The following ASCC3 variants were observed in gnomAD, a reference collection of about 807,000 sequenced individuals.
ASCC3 encodes ASC-1 complex subunit P200.
A neutral mutation model predicts 256.3 loss-of-function variants in ASCC3; 158 were observed. The ratio of observed to expected loss-of-function variants is 0.62; its 90% CI spans 0.54 to 0.70. The LOEUF (loss-of-function observed/expected upper bound fraction) is 0.70. Among genes scored for constraint, ASCC3 ranks in the 30% least tolerant of loss-of-function variants. The pLI is 0.00. For missense variants in ASCC3, 2,259 were observed against 2,626.0 expected (o/e 0.86, Z 3.05); for synonymous variants, 948 against 883.4 (o/e 1.07, Z -1.30).
At chr6:100,560,115 AC>A (rs1236172134) in intron 36 of ASCC3, among the ~76,000 whole-genome samples, 3 of 152,166 alleles carry the variant, frequency 2.0e-5, no homozygotes, top group African/African-American at 7.2e-5. Flanking sequence ...AAGTGGATAT[AC>A]TTTGGACATC....
At chr6:100,848,829 C>A (rs1582957842) in intron 3 of ASCC3, 122 bp from the exon 4 acceptor site, 2 of 959,266 alleles carry the variant, frequency 2.1e-6, no homozygotes, top group East Asian at 2.6e-5. Context: ...TAGCAATAGA[C>A]CAGGTGTAAT....
At chr6:100,720,526 T>C (rs1779279037) in intron 11 of ASCC3, among the ~76,000 whole-genome samples, 1 of 151,880 alleles carries the variant, frequency 6.6e-6, no homozygotes, top group Non-Finnish European at 1.5e-5. Context: ...TTAGATTAGT[T>C]TCGTTTTTGA....
intron 14 of ASCC3, among the ~76,000 whole-genome samples, chr6:100,671,385 C>A (rs981085769): frequency 6.6e-6 from 1 of 152,056 alleles, no homozygotes; most frequent in African/African-American, 2.4e-5. Context: ...TATACTTTAT[C>A]TTGTTCACAT....
intron 10 of ASCC3, among the ~76,000 whole-genome samples, chr6:100,726,207 C>CT: frequency 6.6e-6 from 1 of 151,934 alleles, no homozygotes; most frequent in Middle Eastern, 3.4e-3. Context: ...ACTAACAATG[C>CT]TTTTCATTGA....
rs1773614043 is a variant in ASCC3, at chr6:100,508,683, T to G, written c.*703A>C. ...GGGAAAGAAAAGAAGAACAGATGAG[T>G]AAGGGGATATTATTTAAAGGAAGCA... is the stretch of plus-strand genomic sequence containing the variant. On this transcript the variant is annotated 3_prime_UTR_variant, in exon 42 of 42. Coordinates refer to ENST00000369162, the MANE Select transcript of ASCC3 (RefSeq NM_006828.4). 1 of 151,874 alleles carries G rather than the reference T, an allele frequency of 6.6e-6. No homozygotes were observed. The highest frequency in any genetic ancestry group is 2.1e-4 in the South Asian group (1 of 4,822). 9.4% of individuals were successfully genotyped at this position (151,874 alleles called of 1,614,324 possible).
chr6:100,631,285 C>T, intron 25 of ASCC3, 72 bp from the exon 26 acceptor site: 1 of 1,260,308 alleles, frequency 7.9e-7, no homozygotes, highest in Non-Finnish European at 1.1e-6. Flanking sequence ...AAGTAAACTC[C>T]AAAAAATTTG....
At chr6:100,732,490 T>C (rs960740934) in intron 10 of ASCC3, among the ~76,000 whole-genome samples, 1 of 152,206 alleles carries the variant, frequency 6.6e-6, no homozygotes, top group Admixed American at 6.5e-5. Flanking sequence ...GTTTTCATAG[T>C]TCCTTATTGT....
chr6:100,799,933 T>C (rs1769828689), intron 6 of ASCC3, among the ~76,000 whole-genome samples: 1 of 149,736 alleles, frequency 6.7e-6, no homozygotes, highest in Non-Finnish European at 1.5e-5. Context: ...TTTTCTCCTT[T>C]CTACTTCTAA....
chr6:100,734,101 C>G (rs1316301155), intron 10 of ASCC3, among the ~76,000 whole-genome samples: 2 of 151,992 alleles, frequency 1.3e-5, no homozygotes, highest in African/African-American at 4.8e-5. Context: ...TTATTTGGGC[C>G]TAGGAGTGGT....
chr6:100,676,741 C>T (rs550830415), intron 14 of ASCC3, among the ~76,000 whole-genome samples: 108 of 131,958 alleles, frequency 8.2e-4, no homozygotes, highest in Admixed American at 1.7e-3. Flanking sequence ...TGTGTGCGCG[C>T]GCGTGCGCGC....
intron 36 of ASCC3, among the ~76,000 whole-genome samples, chr6:100,571,633 G>A (rs889850893): frequency 3.9e-5 from 6 of 152,176 alleles, no homozygotes; most frequent in Admixed American, 3.9e-4. Flanking sequence ...ATAAACTAAT[G>A]CAATCATTCC....
At chr6:100,528,160 C>T (rs1424921117) in intron 37 of ASCC3, among the ~76,000 whole-genome samples, 1 of 151,994 alleles carries the variant, frequency 6.6e-6, no homozygotes, top group Non-Finnish European at 1.5e-5. Flanking sequence ...AGGTTATCTG[C>T]TAATATACTT....
chr6:100,569,676 G>A lies in ASCC3; in HGVS notation c.5550+19958C>T, dbSNP rs534975291. On this transcript the variant is annotated intron_variant, in intron 36 of 41. Coordinates refer to ENST00000369162, the MANE Select transcript of ASCC3 (RefSeq NM_006828.4). ...TGGGATTACAGGCGTGGCGCGGTCG[G>A]TTACTGTAACCTTTTAATATAGTTT... Among the ~76,000 whole-genome samples the A allele has an allele frequency of 9.2e-5, 14 of 152,282 alleles. No homozygotes were observed. In the South Asian group the frequency reaches 2.7e-3, roughly 29 times the overall value.
intron 4 of ASCC3, among the ~76,000 whole-genome samples, chr6:100,829,537 C>G (rs1422711887): frequency 6.6e-6 from 1 of 152,098 alleles, no homozygotes; most frequent in Non-Finnish European, 1.5e-5. Context: ...CCGCAAGCAC[C>G]GCGTGCAGCC....
intron 16 of ASCC3, among the ~76,000 whole-genome samples, chr6:100,660,386 C>G (rs1190018141): frequency 6.6e-6 from 1 of 151,560 alleles, no homozygotes; most frequent in African/African-American, 2.4e-5. Flanking sequence ...TTCACTGCCA[C>G]TATCATTTTA....
chr6:100,513,349 T>G (rs768026496), intron 39 of ASCC3, among the ~76,000 whole-genome samples: 50 of 152,190 alleles, frequency 3.3e-4, no homozygotes, highest in Non-Finnish European at 6.6e-4. Context: ...CTGTTGACTA[T>G]ATTAAAATAA....
intron 30 of ASCC3, among the ~76,000 whole-genome samples, chr6:100,613,376 C>T (rs1326731737): frequency 6.6e-6 from 1 of 152,044 alleles, no homozygotes; most frequent in African/African-American, 2.4e-5. Flanking sequence ...TTAGCATCCA[C>T]TTATGAGTGA....
chr6:100,848,105 A>C (rs371769401), intron 4 of ASCC3, 43 bp downstream of exon 4: 1 of 1,504,112 alleles, frequency 6.6e-7, no homozygotes, highest in Non-Finnish European at 8.9e-7. Flanking sequence ...TTTCATTAGG[A>C]TAGTTCACAT....
rs1779687335 is a variant in ASCC3 at position 100,727,434 on chromosome 6, A to G, written c.1738-1731T>C. 2.0e-5 allele frequency among the ~76,000 whole-genome samples: 3 copies of G among 152,004 alleles called. No homozygotes were observed. In the South Asian group the frequency reaches 6.2e-4, roughly 32 times the overall value. On this transcript the variant is annotated intron_variant, in intron 10 of 41. Transcript: ENST00000369162. ...TCTCTCGTGTAATAAAGCCTCCGAG[A>G]GGAATGAGTTTGTGCATTTTACATT...
Sources: allele counts gnomAD v4.1 joint callset (sites outside exome capture counted in the v4.1 genomes callset), GRCh38; gene constraint gnomAD v4.1.1; transcripts MANE v1.5; gene names NCBI Gene and HGNC (gene_info 2026-07-23, HGNC 2026-07-21).